ALKBH1: variants seen among roughly 807,000 people sequenced by gnomAD.
ALKBH1 encodes the protein nucleic acid dioxygenase ALKBH1.
Under a neutral mutation model 36.6 loss-of-function variants are expected in ALKBH1, and 31 were observed. That is an observed-to-expected ratio of 0.85 (90% CI 0.64 to 1.14). ALKBH1 has a LOEUF of 1.14. ALKBH1 is among the 50% of genes most tolerant of loss of function. The pLI, the probability that ALKBH1 is intolerant of heterozygous loss-of-function variation, is 0.00. For missense variants in ALKBH1, 490 were observed against 497.3 expected, an observed-to-expected ratio of 0.99 and a Z score of 0.14; for synonymous variants, 183 against 186.6, an observed-to-expected ratio of 0.98 and a Z score of 0.16.
intron 4 of ALKBH1, among the ~76,000 whole-genome samples, chr14:77,676,391 T>C (rs775443177): frequency 6.6e-6 from 1 of 152,118 alleles, no homozygotes; most frequent in Non-Finnish European, 1.5e-5. Context: ...AGTCTATACA[T>C]GAAGCAATTA....
chr14:77,688,332 C>T (rs2080279506), intron 3 of ALKBH1, among the ~76,000 whole-genome samples: 1 of 151,480 alleles, frequency 6.6e-6, no homozygotes, highest in African/African-American at 2.4e-5. Context: ...TCTCAGCTCA[C>T]TGCAACCTCT....
At chr14:77,703,399 C>T (rs1019874716) in intron 2 of ALKBH1, among the ~76,000 whole-genome samples, 3 of 151,144 alleles carry the variant, frequency 2.0e-5, no homozygotes, top group Non-Finnish European at 4.4e-5. Context: ...TCATGCCATT[C>T]TCCCACCTCA....
intron 2 of ALKBH1, among the ~76,000 whole-genome samples, chr14:77,698,321 TAG>T (rs1175255925): frequency 6.6e-6 from 1 of 152,096 alleles, no homozygotes; most frequent in Non-Finnish European, 1.5e-5. Context: ...ATCAAGAGGG[TAG>T]AGAGACTGGC....
At chr14:77,694,457 A>G (rs2080315927) in intron 3 of ALKBH1, among the ~76,000 whole-genome samples, 1 of 152,192 alleles carries the variant, frequency 6.6e-6, no homozygotes. Context: ...GGCTGAAGCT[A>G]ATGGAAATGG....
chr14:77,673,906 T>G lies in ALKBH1; in HGVS notation c.1076A>C (p.Glu359Ala). The G allele has an allele frequency of 6.8e-6, 11 of 1,614,236 alleles. No individual in the cohort carries two copies. Among genetic ancestry groups the G allele is most frequent in the Non-Finnish European group, 9.3e-6 (11 of 1,180,038 alleles). ...TDQNFPLEPIEDEKRDISTEG... is the reference protein window; with the variant it reads ...TDQNFPLEPIADEKRDISTEG... ...TGTACTGATGTCTCTTTTTTCATCC[T>G]CGATGGGTTCTAGAGGGAAATTCTG... Residue 359 changes from glutamate (E) to alanine (A), a missense_variant, in exon 6 of 6, where the codon GAG (glutamate) becomes GCG (alanine). By Grantham distance (107) the Glu-to-Ala change is moderately radical (BLOSUM62 -1). Transcript: ENST00000216489.
chr14:77,683,543 C>A (rs1277564564), intron 3 of ALKBH1: 2 of 595,866 alleles, frequency 3.4e-6, no homozygotes, highest in African/African-American at 1.9e-5. Flanking sequence ...TGAACAGTAC[C>A]CATTCCCATT....
At chr14:77,692,546 A>T (rs2080303058) in intron 3 of ALKBH1, among the ~76,000 whole-genome samples, 1 of 152,168 alleles carries the variant, frequency 6.6e-6, no homozygotes, top group African/African-American at 2.4e-5. Context: ...TGCTGATCTG[A>T]CAGGGGGCGA....
chr14:77,678,702 A>G (rs1369309441), intron 4 of ALKBH1, among the ~76,000 whole-genome samples: 1 of 152,202 alleles, frequency 6.6e-6, no homozygotes, highest in East Asian at 1.9e-4. Flanking sequence ...GTTACAAGGC[A>G]TCTTCTAAAG....
At position 77,674,134 on chromosome 14, in the gene ALKBH1, C is replaced by T. The variant is rs138190342; in HGVS notation, c.848G>A (p.Arg283His). ...GDIMIMSGFS[R>H]LLNHAVPRVL... The stretch of plus-strand genomic sequence containing the variant: ...ACGAGGGACTGCGTGGTTCAAGAGG[C>T]GGCTGAAACCCGACATTATCATGAT... Residue 283 changes from arginine to histidine, a missense_variant, in exon 6 of 6, where the codon CGC becomes CAC. Coordinates refer to ENST00000216489, the MANE Select transcript of ALKBH1 (RefSeq NM_006020.3). The T allele has an allele frequency of 1.9e-5, 30 of 1,614,046 alleles. No individual in the cohort carries two copies. The highest frequency in any genetic ancestry group is 5.3e-5 in the African/African-American group (4 of 74,928).
At chr14:77,705,574 C>T (rs2139868887) in intron 1 of ALKBH1, among the ~76,000 whole-genome samples, 1 of 152,306 alleles carries the variant, frequency 6.6e-6, no homozygotes, top group Admixed American at 6.5e-5. Context: ...ACAACTTCTG[C>T]TTCTGTTAAT....
At chr14:77,688,818 C>T (rs778899156) in intron 3 of ALKBH1, among the ~76,000 whole-genome samples, 4 of 152,212 alleles carry the variant, frequency 2.6e-5, no homozygotes, top group Admixed American at 1.3e-4. Flanking sequence ...GTGATCCCCC[C>T]ACCTTGACCT....
Position 77,677,827 on chromosome 14 carries a change from C to T in ALKBH1, c.547-1978G>A, listed in dbSNP as rs146442031. ...TCCTCTATCATTTTAAGCTTTAGTC[C>T]CTCAGATAATCAAACAGTCAAGGCT... On this transcript the variant is annotated intron_variant, in intron 4 of 5. Transcript: ENST00000216489. Among the ~76,000 whole-genome samples the T allele has an allele frequency of 8.4e-4, 128 of 151,986 alleles. 1 individual carries two copies. The East Asian group carries it at 9.5e-3, about 11-fold the overall frequency.
Position 77,696,374 on chromosome 14 carries a change from G to C in ALKBH1, c.293-1474C>G, listed in dbSNP as rs531992833. Among the ~76,000 whole-genome samples, 158 of 152,252 alleles carry C rather than the reference G, an allele frequency of 1.0e-3. 3 individuals are homozygous for C. The highest frequency in any genetic ancestry group is 7.3e-3 in the South Asian group (35 of 4,822). ...CAGCTAATTTTTTTTATTTTCAGTA[G>C]AGACGGGGTTTCACCATATTGGCCA... On this transcript the variant is annotated intron_variant, in intron 2 of 5. Transcript: ENST00000216489.
intron 4 of ALKBH1, among the ~76,000 whole-genome samples, chr14:77,679,049 T>G (rs2080222256): frequency 6.6e-6 from 1 of 152,078 alleles, no homozygotes; most frequent in Admixed American, 6.6e-5. Context: ...ACTCCTGAGC[T>G]CAAGCGATCT....
chr14:77,707,595 T>C (rs913883668), intron 1 of ALKBH1, among the ~76,000 whole-genome samples: 7 of 152,170 alleles, frequency 4.6e-5, no homozygotes, highest in Non-Finnish European at 5.9e-5. Context: ...CCAGGCTCTT[T>C]TGACTGAGCG....
intron 2 of ALKBH1, among the ~76,000 whole-genome samples, 165 bp from the exon 3 acceptor site, chr14:77,695,065 C>T (rs1465681000): frequency 6.6e-6 from 1 of 152,180 alleles, no homozygotes; most frequent in Non-Finnish European, 1.5e-5. Context: ...CATTAGACAT[C>T]TACCCCTATG....
intron 3 of ALKBH1, among the ~76,000 whole-genome samples, chr14:77,693,774 G>A (rs1317265860): frequency 6.6e-6 from 1 of 152,090 alleles, no homozygotes; most frequent in Non-Finnish European, 1.5e-5. Context: ...GATCACTTGA[G>A]GTCAGGAATT....
At chr14:77,678,208 T>TTATGAGG (rs147791363) in intron 4 of ALKBH1, among the ~76,000 whole-genome samples, 4,458 of 152,016 alleles carry the variant, frequency 0.029, 105 homozygotes, top group Middle Eastern at 0.058. Flanking sequence ...CACAACTGCC[T>TTATGAGG]TATGAGGTAG....
rs2080377491 is a variant in ALKBH1 at position 77,704,495 on chromosome 14, G to A, written c.184-18C>T. 1.3e-6 allele frequency: 2 copies of A among 1,594,534 alleles called. No individual in the cohort carries two copies. The highest frequency in any genetic ancestry group is 2.2e-5 in the South Asian group (2 of 90,672). On this transcript the variant is annotated intron_variant, in intron 1 of 5. Coordinates refer to ENST00000216489, the MANE Select transcript of ALKBH1 (RefSeq NM_006020.3). Reference sequence around the variant, plus strand: ...TTGATCACCTGGCAGGAAGGAAACAGAAGTTAAAGGACTAAATCTATTTTG... The same window carrying A: ...TTGATCACCTGGCAGGAAGGAAACAAAAGTTAAAGGACTAAATCTATTTTG...
Sources: allele counts gnomAD v4.1 joint callset (sites outside exome capture counted in the v4.1 genomes callset), GRCh38; gene constraint gnomAD v4.1.1; transcripts MANE v1.5; gene names NCBI Gene and HGNC (gene_info 2026-07-23, HGNC 2026-07-21).